Variants in FAM171A1 observed in about 807,000 individuals in gnomAD.
The protein encoded by FAM171A1 is family with sequence similarity 171 member A1, also known as protein FAM171A1.
Under a neutral mutation model 74.9 loss-of-function variants are expected in FAM171A1, and 23 were observed. That is an observed-to-expected ratio of 0.31 (90% CI 0.22 to 0.44). The LOEUF is 0.44. Ranked by LOEUF, FAM171A1 falls within the 20% of genes least tolerant of loss-of-function variation. The pLI is 1.00. For missense variants in FAM171A1, 1,162 were observed against 1,159.2 expected, an observed-to-expected ratio of 1.00 and a Z score of -0.03; for synonymous variants, 527 against 505.7, an observed-to-expected ratio of 1.04 and a Z score of -0.57.
At position 15,214,293 on chromosome 10, in the gene FAM171A1, A is replaced by G. The variant is rs1415614200; in HGVS notation, c.1295T>C (p.Leu432Pro). Residue 432 changes from leucine (L) to proline (P), a missense_variant, in exon 8 of 8, where the codon CTC (leucine) becomes CCC (proline). Coordinates refer to ENST00000378116, the MANE Select transcript of FAM171A1 (RefSeq NM_001010924.2). The part of the protein sequence containing the change: ...SQEFSSREEL[L>P]SCKEEDKSQI... The stretch of plus-strand genomic sequence containing the variant: ...GCTTTTATCCTCTTCCTTGCAAGAG[A>G]GGAGCTCCTCCCGGGAGCTAAATTC... 1 of 1,613,664 alleles carries G rather than the reference A, an allele frequency of 6.2e-7. No homozygotes were observed. Among genetic ancestry groups the G allele is most frequent in the South Asian group, 1.1e-5 (1 of 91,006 alleles).
chr10:15,217,724 G>C (rs1833984402), intron 6 of FAM171A1, among the ~76,000 whole-genome samples: 1 of 151,102 alleles, frequency 6.6e-6, no homozygotes, highest in African/African-American at 2.4e-5. Flanking sequence ...TGTAACCTCT[G>C]CCTCCTGGGT....
intron 1 of FAM171A1, among the ~76,000 whole-genome samples, chr10:15,304,532 CCTG>C (rs770108447): frequency 1.3e-5 from 2 of 152,148 alleles, no homozygotes; most frequent in Non-Finnish European, 2.9e-5. Flanking sequence ...CAACCCTAAA[CCTG>C]CTGCGGCCGC....
At chr10:15,310,649 G>T (rs908464990) in intron 1 of FAM171A1, among the ~76,000 whole-genome samples, 2 of 152,106 alleles carry the variant, frequency 1.3e-5, no homozygotes, top group Non-Finnish European at 2.9e-5. Flanking sequence ...ATCACTTGAG[G>T]TCTGGAGTTC....
At chr10:15,334,383 T>C (rs1835676794) in intron 1 of FAM171A1, among the ~76,000 whole-genome samples, 1 of 152,146 alleles carries the variant, frequency 6.6e-6, no homozygotes, top group Admixed American at 6.5e-5. Context: ...TGAGGGTAAA[T>C]GATTTACAAA....
rs1588535682 is a variant in FAM171A1 at position 15,289,137 on chromosome 10, T to C, written c.98-5032A>G. Reference sequence around the variant, plus strand: ...ACACCCGGCCTGATTCGGTAATTCTTACAGCCCACAGGGGCATCATCGTTA... The same window carrying C: ...ACACCCGGCCTGATTCGGTAATTCTCACAGCCCACAGGGGCATCATCGTTA... On this transcript the variant is annotated intron_variant, in intron 1 of 7. Transcript: ENST00000378116. Among the ~76,000 whole-genome samples, 7 of 152,108 alleles carry C rather than the reference T, an allele frequency of 4.6e-5. No individual in the cohort carries two copies. In the South Asian group the frequency reaches 1.5e-3, roughly 32 times the overall value.
At chr10:15,326,950 C>G (rs1426564318) in intron 1 of FAM171A1, among the ~76,000 whole-genome samples, 2 of 152,106 alleles carry the variant, frequency 1.3e-5, no homozygotes, top group Admixed American at 6.6e-5. Flanking sequence ...TTTTGTTGGT[C>G]AGGAGGACAC....
intron 1 of FAM171A1, among the ~76,000 whole-genome samples, chr10:15,312,735 T>A (rs1217723271): frequency 8.2e-6 from 1 of 122,510 alleles, no homozygotes; most frequent in Non-Finnish European, 1.6e-5. Flanking sequence ...TTTGCTCTTG[T>A]TGCCCAGGCT....
At chr10:15,275,811 C>T in intron 3 of FAM171A1, 44 bp downstream of exon 3, 1 of 1,227,106 alleles carries the variant, frequency 8.1e-7, no homozygotes. Flanking sequence ...AATAATGTAT[C>T]CATCAAAAAT....
chr10:15,229,393 T>C (rs954219908), intron 5 of FAM171A1, among the ~76,000 whole-genome samples: 1 of 151,968 alleles, frequency 6.6e-6, no homozygotes, highest in African/African-American at 2.4e-5. Flanking sequence ...CTCAGATCCA[T>C]GGCAAACACT....
chr10:15,223,363 A>T (rs1437403506), intron 5 of FAM171A1, among the ~76,000 whole-genome samples: 1 of 152,162 alleles, frequency 6.6e-6, no homozygotes, highest in Non-Finnish European at 1.5e-5. Flanking sequence ...GCCTCTCTGC[A>T]TCAGCCAGGA....
At chr10:15,347,604 G>A (rs961618252) in intron 1 of FAM171A1, among the ~76,000 whole-genome samples, 8 of 151,978 alleles carry the variant, frequency 5.3e-5, no homozygotes, top group East Asian at 1.9e-4. Context: ...TTGGGAGGCC[G>A]AGGCGAGTGG....
intron 5 of FAM171A1, 26 bp from the exon 6 acceptor site, chr10:15,221,086 G>C: frequency 6.3e-7 from 1 of 1,583,036 alleles, no homozygotes; most frequent in Non-Finnish European, 8.7e-7. Context: ...AGAGATGTTA[G>C]CTACAAGCAC....
intron 1 of FAM171A1, among the ~76,000 whole-genome samples, chr10:15,362,613 A>G (rs1261138108): frequency 6.6e-6 from 1 of 152,222 alleles, no homozygotes; most frequent in East Asian, 1.9e-4. Context: ...AATCCCAGCT[A>G]CTGGGGAGGC....
chr10:15,222,239 A>G (rs1053886867), intron 5 of FAM171A1, among the ~76,000 whole-genome samples: 2 of 152,152 alleles, frequency 1.3e-5, no homozygotes, highest in African/African-American at 4.8e-5. Context: ...GCCTAAATAG[A>G]CCAGCTGTGC....
chr10:15,357,425 T>C (rs1265686285), intron 1 of FAM171A1, among the ~76,000 whole-genome samples: 1 of 152,122 alleles, frequency 6.6e-6, no homozygotes, highest in Non-Finnish European at 1.5e-5. Context: ...AACTAATCTG[T>C]AGTAGAAAAT....
At chr10:15,338,604 C>A (rs538987322) in intron 1 of FAM171A1, among the ~76,000 whole-genome samples, 1 of 152,230 alleles carries the variant, frequency 6.6e-6, no homozygotes, top group East Asian at 1.9e-4. Flanking sequence ...ATTAAGAGAC[C>A]CAAAATTCAA....
intron 1 of FAM171A1, among the ~76,000 whole-genome samples, chr10:15,300,752 TG>T (rs1272927697): frequency 8.5e-5 from 13 of 152,136 alleles, no homozygotes; most frequent in Non-Finnish European, 1.9e-4. Context: ...CTGTAAGAAA[TG>T]GGGTAGTGGC....
At chr10:15,279,446 G>A (rs966452317) in intron 2 of FAM171A1, among the ~76,000 whole-genome samples, 1 of 152,120 alleles carries the variant, frequency 6.6e-6, no homozygotes, top group Non-Finnish European at 1.5e-5. Context: ...GGAGATCCGT[G>A]GGTAGTGCTG....
At chr10:15,297,007 C>T (rs1429456373) in intron 1 of FAM171A1, among the ~76,000 whole-genome samples, 1 of 152,058 alleles carries the variant, frequency 6.6e-6, no homozygotes, top group Non-Finnish European at 1.5e-5. Context: ...GCTATTTACA[C>T]TGGTGGCTCC....
Sources: gnomAD v4.1 joint callset for allele counts (sites outside exome capture counted in the v4.1 genomes callset) on GRCh38, gnomAD v4.1.1 for gene constraint, MANE v1.5 for transcripts, NCBI Gene and HGNC (gene_info 2026-07-23, HGNC 2026-07-21) for gene names.